Variants in BICD1 observed in about 807,000 individuals in gnomAD.
BICD1 encodes the protein BICD cargo adaptor 1.
Under a neutral mutation model 92.5 loss-of-function variants are expected in BICD1, and 35 were observed. That is an observed-to-expected ratio of 0.38 (90% confidence interval 0.29 to 0.50). The LOEUF is 0.50. Among genes scored for constraint, BICD1 ranks in the 20% least tolerant of loss-of-function variants. The probability of loss-of-function intolerance (pLI) is 0.93; values close to 1 mark genes in which losing one functional copy is unlikely to be tolerated. For missense variants in BICD1, 950 were observed against 1,189.8 expected (o/e 0.80, Z 2.97); for synonymous variants, 429 against 465.1 (o/e 0.92, Z 1.00).
intron 1 of BICD1, among the ~76,000 whole-genome samples, chr12:32,170,967 C>T (rs542005451): frequency 6.6e-6 from 1 of 152,240 alleles, no homozygotes; most frequent in African/African-American, 2.4e-5. Flanking sequence ...TGTGACCTGA[C>T]CTTCAAATAT....
At chr12:32,157,501 A>G (rs1222964116) in intron 1 of BICD1, among the ~76,000 whole-genome samples, 4 of 152,192 alleles carry the variant, frequency 2.6e-5, no homozygotes, top group Non-Finnish European at 5.9e-5. Context: ...AAGCAGGCAA[A>G]CAGAGGTCCA....
chr12:32,372,899 CT>C (rs1161510227), intron 9 of BICD1, among the ~76,000 whole-genome samples: 3 of 152,046 alleles, frequency 2.0e-5, no homozygotes, highest in Non-Finnish European at 2.9e-5. Context: ...AAAAGTAGAA[CT>C]TTTCCATGTA....
At chr12:32,137,664 A>G (rs1942778232) in intron 1 of BICD1, among the ~76,000 whole-genome samples, 1 of 152,182 alleles carries the variant, frequency 6.6e-6, no homozygotes, top group African/African-American at 2.4e-5. Context: ...TAGTCGTATC[A>G]GTTTGATTAA....
intron 1 of BICD1, among the ~76,000 whole-genome samples, chr12:32,157,280 T>G (rs567810581): frequency 6.6e-6 from 1 of 152,356 alleles, no homozygotes; most frequent in African/African-American, 2.4e-5. Context: ...TTTAATTTTT[T>G]AATGCATGTC....
chr12:32,166,200 A>G (rs1281004826), intron 1 of BICD1, among the ~76,000 whole-genome samples: 4 of 151,680 alleles, frequency 2.6e-5, no homozygotes, highest in Non-Finnish European at 5.9e-5. Context: ...CAGTGGCGCA[A>G]TCTCGGCTCA....
At chr12:32,269,546 A>G (rs1947083464) in intron 2 of BICD1, among the ~76,000 whole-genome samples, 1 of 152,238 alleles carries the variant, frequency 6.6e-6, no homozygotes, top group South Asian at 2.1e-4. Flanking sequence ...AGAATTAGAG[A>G]AATGATTTTA....
chr12:32,222,691 A>G (rs566633210), intron 2 of BICD1, among the ~76,000 whole-genome samples: 93 of 152,366 alleles, frequency 6.1e-4, no homozygotes, highest in South Asian at 2.5e-3. Context: ...AAACTTAATC[A>G]TCAATGTGAT....
chr12:32,370,100 G>A (rs1939673783), intron 9 of BICD1, among the ~76,000 whole-genome samples: 1 of 152,184 alleles, frequency 6.6e-6, no homozygotes, highest in South Asian at 2.1e-4. Flanking sequence ...CAGGCGTGGT[G>A]GCGCAGGCCT....
At chr12:32,222,832 C>T (rs1011158053) in intron 2 of BICD1, among the ~76,000 whole-genome samples, 19 of 152,076 alleles carry the variant, frequency 1.2e-4, no homozygotes, top group East Asian at 1.9e-4. Flanking sequence ...TCATCCTCTC[C>T]GGAGGACACA....
intron 1 of BICD1, among the ~76,000 whole-genome samples, chr12:32,128,052 T>C (rs1942406555): frequency 6.6e-6 from 1 of 152,018 alleles, no homozygotes; most frequent in South Asian, 2.1e-4. Context: ...TACAGGTGCA[T>C]GCCACCACAC....
intron 2 of BICD1, among the ~76,000 whole-genome samples, chr12:32,271,650 T>A (rs1947145045): frequency 6.6e-6 from 1 of 152,136 alleles, no homozygotes; most frequent in South Asian, 2.1e-4. Flanking sequence ...AGCTTCCCCA[T>A]ACCGTGCCTG....
intron 1 of BICD1, among the ~76,000 whole-genome samples, chr12:32,112,118 T>G (rs935581091): frequency 7.9e-5 from 12 of 151,730 alleles, no homozygotes; most frequent in Non-Finnish European, 1.6e-4. Flanking sequence ...GTGATTCTTC[T>G]GCTTCAGCCT....
intron 8 of BICD1, among the ~76,000 whole-genome samples, chr12:32,350,493 A>G (rs1446876854): frequency 6.6e-6 from 1 of 152,122 alleles, no homozygotes; most frequent in Non-Finnish European, 1.5e-5. Context: ...GAAAGAAAGA[A>G]ATGATGTAGT....
intron 2 of BICD1, among the ~76,000 whole-genome samples, chr12:32,265,783 T>A (rs1343460892): frequency 1.3e-5 from 2 of 151,796 alleles, no homozygotes; most frequent in Non-Finnish European, 2.9e-5. Context: ...TTGAAGAGCT[T>A]CTGCTGGACA....
chr12:32,173,446 C>A (rs528990559), intron 1 of BICD1, among the ~76,000 whole-genome samples: 3 of 152,324 alleles, frequency 2.0e-5, no homozygotes, highest in South Asian at 4.1e-4. Flanking sequence ...GATTGGATAA[C>A]TCAGTATTCA....
At chr12:32,310,351 A>T (rs1175581094) in intron 4 of BICD1, among the ~76,000 whole-genome samples, 1 of 152,198 alleles carries the variant, frequency 6.6e-6, no homozygotes, top group East Asian at 1.9e-4. Context: ...TCCAAAAATG[A>T]CATTGTGGGA....
rs1163267515 is a variant in BICD1 at position 32,381,252 on chromosome 12, G to C, written c.*3625G>C. The C allele has an allele frequency of 1.3e-5, 2 of 151,744 alleles. No individual in the cohort carries two copies. The highest frequency in any genetic ancestry group is 2.4e-5 in the African/African-American group (1 of 41,328). The allele number at this position is 151,744 out of a possible 1,614,324, so 9.4% of individuals were successfully genotyped here. A position where few individuals can be genotyped will look rare whatever the true frequency, so the allele number is the denominator to read the frequency against. On this transcript the variant is annotated 3_prime_UTR_variant, in exon 10 of 10. Transcript: ENST00000652176. ...TCCATGGTATCTTTAAAATTGTTCA[G>C]AATATAGGACTTTTACTAAAAAAAT...
intron 2 of BICD1, chr12:32,227,393 A>G (rs112322345): frequency 0.072 from 10,993 of 152,450 alleles, 444 homozygotes; most frequent in Middle Eastern, 0.12. Context: ...GGTGGGAGGG[A>G]GTCTACTGGG....
At chr12:32,174,966 C>A in intron 1 of BICD1, among the ~76,000 whole-genome samples, 1 of 152,108 alleles carries the variant, frequency 6.6e-6, no homozygotes, top group South Asian at 2.1e-4. Flanking sequence ...AGGATCTATA[C>A]CTTTCCTAAA....
Sources: gnomAD v4.1 joint callset for allele counts (sites outside exome capture counted in the v4.1 genomes callset) on GRCh38, gnomAD v4.1.1 for gene constraint, MANE v1.5 for transcripts, NCBI Gene and HGNC (gene_info 2026-07-23, HGNC 2026-07-21) for gene names.